Variants in FRMD4A observed in about 807,000 individuals in gnomAD.
FRMD4A encodes the protein FERM domain containing 4A, also known as FERM domain-containing protein 4A.
FRMD4A carries 29 observed loss-of-function variants against 129.1 expected under a neutral mutation model. The ratio of observed to expected loss-of-function variants is 0.22; its 90% CI spans 0.17 to 0.31. The LOEUF is 0.31. Among genes scored for constraint, FRMD4A ranks in the 10% least tolerant of loss-of-function variants. The pLI is 1.00. For missense variants in FRMD4A, 1,272 were observed against 1,375.8 expected, an observed-to-expected ratio of 0.92 and a Z score of 1.19; for synonymous variants, 634 against 571.6, an observed-to-expected ratio of 1.11 and a Z score of -1.56.
chr10:13,807,995 C>T (rs2093384482), intron 4 of FRMD4A, among the ~76,000 whole-genome samples: 1 of 152,080 alleles, frequency 6.6e-6, no homozygotes, highest in Non-Finnish European at 1.5e-5. Flanking sequence ...GACGGGGTTT[C>T]ACCATGTTGG....
At chr10:13,865,408 G>GTTTTATTTTATTTTATTTTATTTTA (rs56008576) in intron 2 of FRMD4A, among the ~76,000 whole-genome samples, 1,487 of 127,118 alleles carry the variant, frequency 0.012, 31 homozygotes, top group Middle Eastern at 0.02. Flanking sequence ...TATTTTATTT[G>GTTTTATTTTATTTTATTTTATTTTA]TTTTATTTTA....
intron 2 of FRMD4A, among the ~76,000 whole-genome samples, chr10:14,137,884 G>A (rs2131837428): frequency 6.6e-6 from 1 of 151,898 alleles, no homozygotes; most frequent in Admixed American, 6.6e-5. Context: ...ATGAGATTAT[G>A]TAAGCCCCCA....
chr10:14,089,642 A>AC (rs1304143262), intron 2 of FRMD4A, among the ~76,000 whole-genome samples: 15 of 144,532 alleles, frequency 1.0e-4, no homozygotes, highest in East Asian at 6.8e-4. Flanking sequence ...AAAAAAAACA[A>AC]ACAAAAAAAA....
chr10:13,929,054 T>A (rs2095166118), intron 2 of FRMD4A, among the ~76,000 whole-genome samples: 1 of 152,214 alleles, frequency 6.6e-6, no homozygotes, highest in Non-Finnish European at 1.5e-5. Context: ...AACCATTTTG[T>A]TATTCTCATG....
chr10:14,234,568 G>A (rs1321746842), intron 2 of FRMD4A, among the ~76,000 whole-genome samples: 2 of 152,138 alleles, frequency 1.3e-5, no homozygotes, highest in Non-Finnish European at 2.9e-5. Context: ...GCTGGAATTC[G>A]GCATTCTGAA....
intron 2 of FRMD4A, among the ~76,000 whole-genome samples, chr10:13,880,710 C>T (rs12249178): frequency 0.015 from 2,327 of 152,178 alleles, 54 homozygotes; most frequent in African/African-American, 0.052. Context: ...TTGGAATACT[C>T]ACCACGTCCA....
intron 2 of FRMD4A, among the ~76,000 whole-genome samples, chr10:14,054,725 T>C (rs928058032): frequency 5.9e-5 from 9 of 152,148 alleles, no homozygotes; most frequent in Admixed American, 5.2e-4. Context: ...TCATCTTGAA[T>C]TGTAGCTCCC....
intron 2 of FRMD4A, among the ~76,000 whole-genome samples, chr10:14,182,609 C>T (rs960581273): frequency 2.0e-5 from 3 of 152,028 alleles, no homozygotes; most frequent in African/African-American, 4.8e-5. Context: ...GTGAAAGAGA[C>T]CCCCATCATC....
intron 2 of FRMD4A, among the ~76,000 whole-genome samples, chr10:13,921,258 C>CTCTCTCTTTCTCTCTTTCTCTCTT (rs1554970462): frequency 7.4e-6 from 1 of 135,424 alleles, no homozygotes; most frequent in Admixed American, 8.7e-5. Context: ...TTCTCTCTCT[C>CTCTCTCTTTCTCTCTTTCTCTCTT]TCTCTCTTTC....
In FRMD4A at chr10:13,942,558, A is replaced by C. The variant is rs78654938; in HGVS notation, c.46-83646T>G. Among the ~76,000 whole-genome samples, 767 of 152,342 alleles carry C rather than the reference A, an allele frequency of 5.0e-3. 9 individuals are homozygous for C. Among genetic ancestry groups the C allele is most frequent in the African/African-American group, 0.018 (748 of 41,588 alleles). ...AAGCCCCTAGAAAAGGTACGAATGA[A>C]TTGTTTTACATCATTTTAAAAGGAT... On this transcript the variant is annotated intron_variant, in intron 2 of 24. Transcript: ENST00000357447.
chr10:13,886,281 C>G (rs974319534), intron 2 of FRMD4A, among the ~76,000 whole-genome samples: 1 of 148,116 alleles, frequency 6.8e-6, no homozygotes, highest in African/African-American at 2.5e-5. Context: ...AAGGCAAAAA[C>G]CCTGCAAAGA....
intron 12 of FRMD4A, among the ~76,000 whole-genome samples, chr10:13,721,698 G>A (rs2089425705): frequency 6.6e-6 from 1 of 152,222 alleles, no homozygotes; most frequent in African/African-American, 2.4e-5. Flanking sequence ...CAGGCCGGCT[G>A]GGGCAGCGGC....
chr10:13,937,987 C>T (rs1432824812), intron 2 of FRMD4A, among the ~76,000 whole-genome samples: 3 of 152,052 alleles, frequency 2.0e-5, no homozygotes, highest in Admixed American at 6.6e-5. Context: ...CTTATATACC[C>T]ACATGCTTTT....
chr10:13,657,584 G>A (rs1289182862), intron 21 of FRMD4A, 62 bp from the exon 22 acceptor site: 5 of 1,461,744 alleles, frequency 3.4e-6, no homozygotes, highest in African/African-American at 1.4e-5. Flanking sequence ...GGGGTGCTCC[G>A]GGGAGGAGGG....
At chr10:13,678,491 C>T (rs2084192932) in intron 15 of FRMD4A, among the ~76,000 whole-genome samples, 1 of 152,236 alleles carries the variant, frequency 6.6e-6, no homozygotes, top group Non-Finnish European at 1.5e-5. Flanking sequence ...AAGTTACCTG[C>T]CCTCCTTAAT....
At chr10:14,051,101 C>T (rs568668073) in intron 2 of FRMD4A, among the ~76,000 whole-genome samples, 90 of 152,342 alleles carry the variant, frequency 5.9e-4, no homozygotes, top group African/African-American at 1.8e-3. Flanking sequence ...CATTGTTGGA[C>T]ACCCGGCTGG....
At chr10:14,245,584 A>G (rs1272307656) in intron 2 of FRMD4A, among the ~76,000 whole-genome samples, 2 of 152,244 alleles carry the variant, frequency 1.3e-5, no homozygotes, top group Middle Eastern at 3.4e-3. Flanking sequence ...GTATTTGGAG[A>G]CAGGGTCATT....
chr10:14,127,982 CTCTCTCTCTCTCTCTCT>C (rs1838979384), intron 2 of FRMD4A, among the ~76,000 whole-genome samples: 9 of 81,262 alleles, frequency 1.1e-4, no homozygotes, highest in African/African-American at 5.2e-4. Flanking sequence ...TTCTTTCCTT[CTCTCTCTCTCTCTCTCT>C]CTTTCTTTCT....
At chr10:13,743,566 C>T (rs1425059659) in intron 9 of FRMD4A, among the ~76,000 whole-genome samples, 1 of 152,108 alleles carries the variant, frequency 6.6e-6, no homozygotes, top group East Asian at 1.9e-4. Context: ...GAAAGAAAGT[C>T]AAAACCACTG....
Sources: allele counts gnomAD v4.1 joint callset (sites outside exome capture counted in the v4.1 genomes callset), GRCh38; gene constraint gnomAD v4.1.1; transcripts MANE v1.5; gene names NCBI Gene and HGNC (gene_info 2026-07-23, HGNC 2026-07-21).